Variants in SYN2 observed in about 807,000 individuals in gnomAD.
SYN2 encodes synapsin-2.
Under a neutral mutation model 50.9 loss-of-function variants are expected in SYN2, and 19 were observed. The ratio of observed to expected loss-of-function variants is 0.37; its 90% confidence interval spans 0.26 to 0.55. The LOEUF is 0.55. Ranked by LOEUF, SYN2 falls within the 20% of genes least tolerant of loss-of-function variation. The probability of loss-of-function intolerance (pLI) is 0.81; values close to 1 mark genes in which losing one functional copy is unlikely to be tolerated. For synonymous variants in SYN2, 255 were observed against 224.9 expected (o/e 1.13, Z -1.20); for missense variants, 587 against 576.4 (o/e 1.02, Z -0.19).
intron 10 of SYN2, among the ~76,000 whole-genome samples, chr3:12,180,026 G>A (rs1416222148): frequency 6.6e-6 from 1 of 152,134 alleles, no homozygotes; most frequent in Non-Finnish European, 1.5e-5. Flanking sequence ...CTGGCTCACT[G>A]CAGCATCCAC....
chr3:12,015,048 A>G (rs372024781), intron 1 of SYN2, among the ~76,000 whole-genome samples: 8 of 152,188 alleles, frequency 5.3e-5, no homozygotes, highest in African/African-American at 1.9e-4. Flanking sequence ...GATTTGCCAC[A>G]TACTTTGATG....
chr3:12,027,979 T>A lies in SYN2; in HGVS notation c.377+23051T>A, dbSNP rs1694299004. ...TTTTTTTTTTTTACTGTGCTCTACT[T>A]CTTTTTTTTATTTTTTTATTTTTTT... On this transcript the variant is annotated intron_variant, in intron 1 of 12. Transcript: ENST00000621198. 2.1e-5 allele frequency among the ~76,000 whole-genome samples: 3 copies of A among 144,468 alleles called. No individual in the cohort carries two copies. The South Asian group carries it at 6.3e-4, about 30-fold the overall frequency. 94.8% of individuals were successfully genotyped at this position (144,468 alleles called of 152,430 possible). A position where few individuals can be genotyped will look rare whatever the true frequency, so the allele number is the denominator to read the frequency against.
intron 10 of SYN2, 62 bp downstream of exon 10, chr3:12,169,968 T>C (rs1375956917): frequency 2.6e-6 from 4 of 1,520,636 alleles, no homozygotes; most frequent in Non-Finnish European, 3.5e-6. Flanking sequence ...CTCCTCTAGA[T>C]GTTGATGGCT....
chr3:12,166,609 G>A (rs147101676), intron 7 of SYN2, among the ~76,000 whole-genome samples: 79 of 152,310 alleles, frequency 5.2e-4, no homozygotes, highest in Non-Finnish European at 8.5e-4. Context: ...GACAGACAAG[G>A]CAACTTAACC....
intron 1 of SYN2, among the ~76,000 whole-genome samples, chr3:12,008,806 C>T (rs116743320): frequency 0.013 from 1,924 of 152,230 alleles, 17 homozygotes; most frequent in Middle Eastern, 0.02. Flanking sequence ...TTTAACTGAG[C>T]TCGAAGAATT....
intron 1 of SYN2, among the ~76,000 whole-genome samples, chr3:12,010,867 A>G (rs1320188514): frequency 2.0e-5 from 3 of 152,198 alleles, no homozygotes; most frequent in African/African-American, 2.4e-5. Context: ...TATTGCTACC[A>G]TATGTTATCG....
chr3:12,056,864 T>G (rs1695002185), intron 1 of SYN2, among the ~76,000 whole-genome samples: 1 of 152,208 alleles, frequency 6.6e-6, no homozygotes, highest in Admixed American at 6.5e-5. Flanking sequence ...AGTTGTGTCC[T>G]TTGTGTATAT....
chr3:12,132,548 C>G (rs1169302226), intron 1 of SYN2, among the ~76,000 whole-genome samples: 1 of 152,178 alleles, frequency 6.6e-6, no homozygotes. Context: ...CTCCTCCACA[C>G]CCATGTGTTG....
At chr3:12,014,673 C>G (rs1693983836) in intron 1 of SYN2, among the ~76,000 whole-genome samples, 1 of 152,172 alleles carries the variant, frequency 6.6e-6, no homozygotes, top group Admixed American at 6.5e-5. Flanking sequence ...GTGTGAAACT[C>G]CAACCTCAGG....
chr3:12,050,925 C>T (rs1276700318), intron 1 of SYN2, among the ~76,000 whole-genome samples: 59 of 146,134 alleles, frequency 4.0e-4, no homozygotes, highest in African/African-American at 1.4e-3. Flanking sequence ...TTAGTAGAGA[C>T]GGGGTTTCAC....
chr3:12,141,999 A>G lies in SYN2; in HGVS notation c.527+3A>G. 1.3e-6 allele frequency: 1 copy of G among 780,794 alleles called. No individual in the cohort carries two copies. The highest frequency in any genetic ancestry group is 1.3e-5 in the South Asian group (1 of 74,614). The allele number at this position is 780,794 out of a possible 1,614,324, so 48.4% of individuals were successfully genotyped here. ...CGGAATGGCACAAAGGTTGTCCGGT[A>G]AGGGTCTTTCTGTCCTCAGGATCAT... On this transcript the variant is annotated splice_donor_region_variant and intron_variant, in intron 3 of 12. Coordinates refer to ENST00000621198, the MANE Select transcript of SYN2 (RefSeq NM_133625.6).
chr3:12,025,690 ACCCTG>A (rs1694243394), intron 1 of SYN2, among the ~76,000 whole-genome samples: 1 of 151,850 alleles, frequency 6.6e-6, no homozygotes, highest in African/African-American at 2.4e-5. Context: ...TTTCCTGATG[ACCCTG>A]AAAGTCCGTC....
intron 1 of SYN2, among the ~76,000 whole-genome samples, chr3:12,042,761 AAGAAGAAG>A (rs1165895201): frequency 6.6e-6 from 1 of 152,158 alleles, no homozygotes; most frequent in African/African-American, 2.4e-5. Context: ...GTGTCCTTAT[AAGAAGAAG>A]AGAAGATACA....
At chr3:12,135,509 G>A (rs1696878472) in intron 1 of SYN2, among the ~76,000 whole-genome samples, 1 of 152,160 alleles carries the variant, frequency 6.6e-6, no homozygotes, top group South Asian at 2.1e-4. Flanking sequence ...AATGCCTTCT[G>A]GAGTATGTGA....
At chr3:12,188,203 G>T (rs1313023061) in intron 12 of SYN2, among the ~76,000 whole-genome samples, 1 of 152,338 alleles carries the variant, frequency 6.6e-6, no homozygotes, top group South Asian at 2.1e-4. Flanking sequence ...AGGCAGAGAC[G>T]CTGAGGAACT....
intron 1 of SYN2, among the ~76,000 whole-genome samples, chr3:12,039,565 T>A (rs1174855240): frequency 1.4e-5 from 2 of 145,030 alleles, no homozygotes; most frequent in Non-Finnish European, 3.0e-5. Context: ...TTTTTTTTTT[T>A]TTTTTTTTGT....
At chr3:12,169,512 A>G (rs987563243) in intron 9 of SYN2, among the ~76,000 whole-genome samples, 5 of 152,046 alleles carry the variant, frequency 3.3e-5, no homozygotes, top group African/African-American at 1.2e-4. Context: ...TCATCCAGCA[A>G]TTTTTGGTCT....
intron 7 of SYN2, among the ~76,000 whole-genome samples, chr3:12,164,582 A>T (rs1190296140): frequency 6.6e-6 from 1 of 152,180 alleles, no homozygotes; most frequent in Non-Finnish European, 1.5e-5. Context: ...ATCCAGAGAC[A>T]GCCACTTTGG....
chr3:12,025,907 A>G (rs1694248997), intron 1 of SYN2, among the ~76,000 whole-genome samples: 1 of 152,238 alleles, frequency 6.6e-6, no homozygotes, highest in African/African-American at 2.4e-5. Context: ...AGAAGCTTCC[A>G]TTGAATTTTA....
Sources: allele counts gnomAD v4.1 joint callset (sites outside exome capture counted in the v4.1 genomes callset), GRCh38; gene constraint gnomAD v4.1.1; transcripts MANE v1.5; gene names NCBI Gene and HGNC (gene_info 2026-07-23, HGNC 2026-07-21).